Variants in NUDCD1 observed in about 807,000 individuals in gnomAD.
NUDCD1 encodes the protein nudC domain-containing protein 1.
In NUDCD1, 60 loss-of-function variants were observed where a neutral mutation model predicts 67.8. That is an observed-to-expected ratio of 0.88 (90% CI 0.72 to 1.10). The LOEUF (loss-of-function observed/expected upper bound fraction) is 1.10, where lower values mean the gene tolerates loss of function less well. NUDCD1 is among the 50% of genes least tolerant of loss of function. The pLI is 0.00. For synonymous variants in NUDCD1, 244 were observed against 230.8 expected (o/e 1.06, Z -0.52); for missense variants, 643 against 695.0 (o/e 0.93, Z 0.84).
intron 8 of NUDCD1, among the ~76,000 whole-genome samples, chr8:109,250,478 A>C (rs898458358): frequency 6.6e-6 from 1 of 152,050 alleles, no homozygotes; most frequent in Non-Finnish European, 1.5e-5. Context: ...TATGCCTTTC[A>C]CTATTATTTC....
At chr8:109,247,513 A>G (rs181076234) in intron 8 of NUDCD1, among the ~76,000 whole-genome samples, 1 of 152,328 alleles carries the variant, frequency 6.6e-6, no homozygotes, top group East Asian at 1.9e-4. Flanking sequence ...GTGCCTTATT[A>G]TGAGCCCCTC....
chr8:109,255,523 G>A (rs909898875), intron 8 of NUDCD1, among the ~76,000 whole-genome samples: 3 of 151,894 alleles, frequency 2.0e-5, no homozygotes, highest in African/African-American at 7.3e-5. Flanking sequence ...TTTTAAAACT[G>A]ATACTTTTTT....
At chr8:109,266,258 C>T (rs1203415292) in intron 8 of NUDCD1, among the ~76,000 whole-genome samples, 1 of 151,606 alleles carries the variant, frequency 6.6e-6, no homozygotes, top group Non-Finnish European at 1.5e-5. Context: ...CGGAGTCTCG[C>T]TGTGTCACCC....
chr8:109,309,806 T>C (rs1815199580), intron 2 of NUDCD1, among the ~76,000 whole-genome samples: 1 of 151,396 alleles, frequency 6.6e-6, no homozygotes. Context: ...CTCTTCTACA[T>C]ACCAACAGCC....
Position 109,299,217 on chromosome 8 carries a change from T to C in NUDCD1, c.274-2648A>G, listed in dbSNP as rs114568456. Among the ~76,000 whole-genome samples, 1,110 of 152,220 alleles carry C rather than the reference T, an allele frequency of 7.3e-3. 19 individuals carry two copies. The highest frequency in any genetic ancestry group is 0.026 in the African/African-American group (1,071 of 41,534). Reference sequence around the variant, plus strand: ...GGAAAAGGAAATCGCCAGCTGAACTTTGTAACACTTTGAACTGATGGAGAA... The same window carrying C: ...GGAAAAGGAAATCGCCAGCTGAACTCTGTAACACTTTGAACTGATGGAGAA... On this transcript the variant is annotated intron_variant, in intron 2 of 9. Transcript: ENST00000239690.
chr8:109,260,511 C>T (rs566794702), intron 8 of NUDCD1, among the ~76,000 whole-genome samples: 1 of 152,152 alleles, frequency 6.6e-6, no homozygotes, highest in South Asian at 2.1e-4. Flanking sequence ...ATATGCTAGT[C>T]AAAAAGCTAA....
chr8:109,271,133 T>C lies in NUDCD1; in HGVS notation c.1174-3A>G, dbSNP rs756377762. On this transcript the variant is annotated splice_polypyrimidine_tract_variant and splice_region_variant and intron_variant, in intron 7 of 9. Coordinates refer to ENST00000239690, the MANE Select transcript of NUDCD1 (RefSeq NM_032869.4). Reference sequence around the variant, plus strand: ...TTTTCTTTATCTGGATTTGGATTCTTAGTCCAGAAAATAAAATAAGTAAAT... The same window carrying C: ...TTTTCTTTATCTGGATTTGGATTCTCAGTCCAGAAAATAAAATAAGTAAAT... 6.5e-6 allele frequency: 10 copies of C among 1,532,988 alleles called. No homozygotes were observed. In the Admixed American group the frequency reaches 1.8e-4, roughly 27 times the overall value. 95.0% of individuals were successfully genotyped at this position (1,532,988 alleles called of 1,614,324 possible).
intron 8 of NUDCD1, among the ~76,000 whole-genome samples, chr8:109,265,515 T>C (rs1366244155): frequency 1.3e-5 from 2 of 152,222 alleles, no homozygotes; most frequent in Admixed American, 1.3e-4. Context: ...CTTCCTTTCA[T>C]AATGACATTA....
chr8:109,296,597 T>TGATACGGCGA, intron 2 of NUDCD1, 28 bp from the exon 3 acceptor site: 1 of 1,449,374 alleles, frequency 6.9e-7, no homozygotes, highest in South Asian at 1.2e-5. Flanking sequence ...TATACATTAA[T>TGATACGGCGA]CTCTTCCTCT....
At chr8:109,319,920 C>T (rs1815493067) in intron 2 of NUDCD1, among the ~76,000 whole-genome samples, 1 of 152,066 alleles carries the variant, frequency 6.6e-6, no homozygotes, top group African/African-American at 2.4e-5. Context: ...CCGGGGGAGA[C>T]ATCACATGTC....
chr8:109,319,826 T>C (rs1327550473), intron 2 of NUDCD1, among the ~76,000 whole-genome samples: 1 of 152,192 alleles, frequency 6.6e-6, no homozygotes, highest in African/African-American at 2.4e-5. Flanking sequence ...TTCACCTAGG[T>C]TCTTTTCTAT....
Position 109,243,269 on chromosome 8 carries a change from ATTT to A in NUDCD1, c.1489_1491del (p.Lys497del). The A allele has an allele frequency of 6.2e-7, 1 of 1,601,494 alleles. No individual in the cohort carries two copies. Among genetic ancestry groups the A allele is most frequent in the Non-Finnish European group, 8.5e-7 (1 of 1,170,686 alleles). ...GAGTAATTTGGAGCACAGGCAAAAAATTTTTTGTCTCTCTTTGATGCTTGGACA... is the reference window on the plus strand; with the variant it reads ...GAGTAATTTGGAGCACAGGCAAAAAATTTGTCTCTCTTTGATGCTTGGACA... On this transcript the variant is annotated inframe_deletion, in exon 10 of 10. Transcript: ENST00000239690.
intron 5 of NUDCD1, among the ~76,000 whole-genome samples, chr8:109,284,003 A>C (rs10105653): frequency 0.4 from 59,784 of 150,480 alleles, 12,726 homozygotes; most frequent in South Asian, 0.56. Flanking sequence ...AAAAAAAAAA[A>C]AAAACAAAAC....
chr8:109,260,850 ATATT>A (rs1180291899), intron 8 of NUDCD1, among the ~76,000 whole-genome samples: 1 of 152,196 alleles, frequency 6.6e-6, no homozygotes, highest in Non-Finnish European at 1.5e-5. Flanking sequence ...ATTGTTATAA[ATATT>A]TATTTACATG....
At position 109,262,969 on chromosome 8, in the gene NUDCD1, C is replaced by T. The variant is rs6999933; in HGVS notation, c.1299+8036G>A. ...ACTCAGGAGGCTGAGGCAGGAGAAT[C>T]GCTTGAACCTGGGAGGCAAAGGTTG... On this transcript the variant is annotated intron_variant, in intron 8 of 9. Transcript: ENST00000239690. Among the ~76,000 whole-genome samples, 950 of 142,308 alleles carry T rather than the reference C, an allele frequency of 6.7e-3. 15 individuals carry two copies. Among genetic ancestry groups the T allele is most frequent in the African/African-American group, 0.023 (884 of 38,316 alleles). 93.4% of individuals were successfully genotyped at this position (142,308 alleles called of 152,430 possible). A position where few individuals can be genotyped will look rare whatever the true frequency, so the allele number is the denominator to read the frequency against.
At chr8:109,281,570 G>A (rs1274914839) in intron 5 of NUDCD1, among the ~76,000 whole-genome samples, 1 of 152,132 alleles carries the variant, frequency 6.6e-6, no homozygotes, top group Non-Finnish European at 1.5e-5. Flanking sequence ...TAGCAAAGCA[G>A]TTACATAATA....
At chr8:109,264,336 A>G (rs1056711946) in intron 8 of NUDCD1, among the ~76,000 whole-genome samples, 6 of 152,238 alleles carry the variant, frequency 3.9e-5, no homozygotes, top group African/African-American at 1.4e-4. Context: ...AACAAAACTT[A>G]GAATTTTGAA....
chr8:109,263,215 T>G (rs967680027), intron 8 of NUDCD1, among the ~76,000 whole-genome samples: 1 of 152,140 alleles, frequency 6.6e-6, no homozygotes, highest in Non-Finnish European at 1.5e-5. Flanking sequence ...CAAAGAACTT[T>G]GTTCACACAG....
intron 6 of NUDCD1, among the ~76,000 whole-genome samples, chr8:109,277,626 A>G (rs527857053): frequency 3.9e-4 from 59 of 152,316 alleles, no homozygotes; most frequent in African/African-American, 1.4e-3. Context: ...CCTACGCTAC[A>G]TTGTAGTTAT....
Sources: allele counts gnomAD v4.1 joint callset (sites outside exome capture counted in the v4.1 genomes callset), GRCh38; gene constraint gnomAD v4.1.1; transcripts MANE v1.5; gene names NCBI Gene and HGNC (gene_info 2026-07-23, HGNC 2026-07-21).